The following ZNF516 variants were observed in gnomAD, a reference collection of about 807,000 sequenced individuals.
ZNF516 encodes zinc finger protein 516.
ZNF516 carries 19 observed loss-of-function variants against 79.7 expected under a neutral mutation model. The ratio of observed to expected loss-of-function variants is 0.24; its 90% confidence interval spans 0.17 to 0.35. The LOEUF is 0.35. ZNF516 is among the 10% of genes least tolerant of loss of function. ZNF516 has a pLI of 1.00. For synonymous variants in ZNF516, 877 were observed against 739.5 expected, an observed-to-expected ratio of 1.19 and a Z score of -3.02; for missense variants, 1,678 against 1,679.5, an observed-to-expected ratio of 1.00 and a Z score of 0.02.
intron 3 of ZNF516, among the ~76,000 whole-genome samples, chr18:76,412,766 A>C (rs977507341): frequency 6.6e-6 from 1 of 152,200 alleles, no homozygotes; most frequent in Non-Finnish European, 1.5e-5. Flanking sequence ...TTGTCTGGAC[A>C]CAGTTTTGGG....
intron 3 of ZNF516, among the ~76,000 whole-genome samples, chr18:76,425,033 G>A (rs1456435920): frequency 3.0e-5 from 4 of 135,266 alleles, no homozygotes; most frequent in Non-Finnish European, 4.7e-5. Context: ...AGGTTCCCCC[G>A]AAACACACAC....
rs114843801 is a variant in ZNF516, at chr18:76,446,139, G to A, written c.-157-2928C>T. ...GGCGTGTCCTTCACGCCCTCAACTCGTCCCCTCCTCTGTCAGGCACAGAGA... is the reference window on the plus strand; with the variant it reads ...GGCGTGTCCTTCACGCCCTCAACTCATCCCCTCCTCTGTCAGGCACAGAGA... On this transcript the variant is annotated intron_variant, in intron 2 of 6. Transcript: ENST00000443185. 2.9e-3 allele frequency among the ~76,000 whole-genome samples: 446 copies of A among 151,976 alleles called. 3 individuals are homozygous for A. The highest frequency in any genetic ancestry group is 0.01 in the African/African-American group (426 of 41,496).
intron 3 of ZNF516, among the ~76,000 whole-genome samples, chr18:76,405,927 G>T (rs1009557445): frequency 6.6e-6 from 1 of 152,096 alleles, no homozygotes; most frequent in African/African-American, 2.4e-5. Context: ...ACCTTGCATG[G>T]CGGCTTCTGC....
At chr18:76,471,404 G>A (rs1018998780) in intron 1 of ZNF516, among the ~76,000 whole-genome samples, 3 of 152,140 alleles carry the variant, frequency 2.0e-5, no homozygotes, top group Non-Finnish European at 2.9e-5. Context: ...TGATTCCTGG[G>A]CCAACTCTCA....
chr18:76,388,217 C>T (rs113710994), intron 3 of ZNF516: 5 of 152,354 alleles, frequency 3.3e-5, no homozygotes, highest in African/African-American at 1.2e-4. Context: ...CCCGATTCTT[C>T]CTGGACACCA....
intron 2 of ZNF516, among the ~76,000 whole-genome samples, chr18:76,458,132 G>A (rs911656531): frequency 6.6e-6 from 1 of 152,192 alleles, no homozygotes; most frequent in African/African-American, 2.4e-5. Flanking sequence ...GCCACGGTAG[G>A]TCCTCAGTTA....
chr18:76,388,532 C>T, intron 3 of ZNF516: 1 of 151,632 alleles, frequency 6.6e-6, no homozygotes, highest in Non-Finnish European at 1.5e-5. Context: ...GAGGTTGCTG[C>T]AGTGCCCGAC....
At chr18:76,404,317 C>T (rs1380136288) in intron 3 of ZNF516, among the ~76,000 whole-genome samples, 2 of 148,974 alleles carry the variant, frequency 1.3e-5, no homozygotes, top group Admixed American at 1.4e-4. Flanking sequence ...TCCAGCACTT[C>T]GTGCATGTGG....
chr18:76,405,893 G>GC (rs1453206470), intron 3 of ZNF516, among the ~76,000 whole-genome samples: 2 of 152,144 alleles, frequency 1.3e-5, no homozygotes, highest in Admixed American at 1.3e-4. Flanking sequence ...ATGAGTCCAT[G>GC]CCAACCCCAT....
chr18:76,480,896 T>C (rs1028123817), intron 1 of ZNF516, among the ~76,000 whole-genome samples: 1 of 152,226 alleles, frequency 6.6e-6, no homozygotes, highest in Non-Finnish European at 1.5e-5. Context: ...GTGAATGGCA[T>C]GGAACTCAAA....
At chr18:76,434,457 A>G (rs1414224730) in intron 3 of ZNF516, among the ~76,000 whole-genome samples, 1 of 152,234 alleles carries the variant, frequency 6.6e-6, no homozygotes, top group East Asian at 1.9e-4. Flanking sequence ...TGTTCCATCC[A>G]ATAAGAATCT....
chr18:76,479,564 G>A (rs368055335), intron 1 of ZNF516, among the ~76,000 whole-genome samples: 1 of 152,202 alleles, frequency 6.6e-6, no homozygotes. Context: ...ACAGGCGTTC[G>A]TAACGGGCCA....
chr18:76,487,758 T>C (rs1338478073), intron 1 of ZNF516, among the ~76,000 whole-genome samples: 3 of 118,126 alleles, frequency 2.5e-5, no homozygotes, highest in Non-Finnish European at 6.1e-5. Flanking sequence ...CCTGCCCCAC[T>C]CCCAAACTCA....
chr18:76,479,298 G>A (rs560276112), intron 1 of ZNF516, among the ~76,000 whole-genome samples: 2 of 152,262 alleles, frequency 1.3e-5, no homozygotes, highest in Admixed American at 6.5e-5. Context: ...CTGTGAACAC[G>A]GGCCACATTC....
chr18:76,441,152 G>C (rs978885058), intron 3 of ZNF516, 93 bp downstream of exon 3: 57 of 1,466,200 alleles, frequency 3.9e-5, no homozygotes, highest in Non-Finnish European at 5.1e-5. Context: ...AGGGGCTAAT[G>C]AGCGAGCCTA....
At chr18:76,443,799 G>A (rs537794772) in intron 2 of ZNF516, among the ~76,000 whole-genome samples, 9 of 152,308 alleles carry the variant, frequency 5.9e-5, no homozygotes, top group East Asian at 3.9e-4. Context: ...GGCACAGCCC[G>A]CAACACACCT....
intron 4 of ZNF516, among the ~76,000 whole-genome samples, chr18:76,375,182 G>C (rs1022125894): frequency 1.3e-5 from 2 of 152,198 alleles, no homozygotes; most frequent in African/African-American, 4.8e-5. Flanking sequence ...CAAGGCTGCT[G>C]GGTTTCCTTC....
At chr18:76,456,546 G>A (rs1912734760) in intron 2 of ZNF516, among the ~76,000 whole-genome samples, 1 of 152,182 alleles carries the variant, frequency 6.6e-6, no homozygotes, top group Admixed American at 6.5e-5. Flanking sequence ...GCATCAGGAC[G>A]CCCTCAATGT....
chr18:76,406,320 C>G (rs1039895277), intron 3 of ZNF516, among the ~76,000 whole-genome samples: 1 of 152,190 alleles, frequency 6.6e-6, no homozygotes, highest in Non-Finnish European at 1.5e-5. Context: ...AATCTCAGAA[C>G]TCTGGGAGGC....
Sources: allele counts gnomAD v4.1 joint callset (sites outside exome capture counted in the v4.1 genomes callset), GRCh38; gene constraint gnomAD v4.1.1; transcripts MANE v1.5; gene names NCBI Gene and HGNC (gene_info 2026-07-23, HGNC 2026-07-21).